The following TBC1D32 variants were observed in gnomAD, a reference collection of about 807,000 sequenced individuals.
TBC1D32 encodes protein broad-minded.
TBC1D32 carries 151 observed loss-of-function variants against 170.3 expected under a neutral mutation model. That is an observed-to-expected ratio of 0.89 (90% CI 0.78 to 1.01). TBC1D32 has a LOEUF of 1.01. Ranked by LOEUF, TBC1D32 falls within the 50% of genes least tolerant of loss-of-function variation. The pLI, the probability that TBC1D32 is intolerant of heterozygous loss-of-function variation, is 0.00. For missense variants in TBC1D32, 1,464 were observed against 1,457.1 expected (o/e 1.00, Z -0.08); for synonymous variants, 498 against 488.0 (o/e 1.02, Z -0.27).
chr6:121,124,496 G>A (rs1582869736), intron 26 of TBC1D32, among the ~76,000 whole-genome samples: 1 of 151,868 alleles, frequency 6.6e-6, no homozygotes, highest in African/African-American at 2.4e-5. Flanking sequence ...ATTATAATAT[G>A]TATTGGGGTA....
chr6:121,129,337 A>G (rs1280214613), intron 25 of TBC1D32, among the ~76,000 whole-genome samples: 1 of 152,204 alleles, frequency 6.6e-6, no homozygotes, highest in Non-Finnish European at 1.5e-5. Context: ...TAACTTAAGT[A>G]TTCTGAGCAC....
chr6:121,208,729 G>GGAAAAAAAAA (rs1412318299), intron 21 of TBC1D32, among the ~76,000 whole-genome samples: 3 of 86,900 alleles, frequency 3.5e-5, no homozygotes, highest in Non-Finnish European at 4.7e-5. Context: ...GAAACACCTG[G>GGAAAAAAAAA]AAAAAAAAAA....
chr6:121,159,585 T>C (rs1367427676), intron 24 of TBC1D32, among the ~76,000 whole-genome samples: 1 of 152,162 alleles, frequency 6.6e-6, no homozygotes, highest in African/African-American at 2.4e-5. Context: ...AGAGTGATCT[T>C]ACACAAACCT....
At chr6:121,085,204 T>C (rs1185478626) in intron 31 of TBC1D32, among the ~76,000 whole-genome samples, 2 of 135,704 alleles carry the variant, frequency 1.5e-5, no homozygotes, top group Non-Finnish European at 3.0e-5. Flanking sequence ...CTTACATATA[T>C]ATACACATAT....
At chr6:121,242,161 A>G (rs1437166645) in intron 18 of TBC1D32, 40 bp downstream of exon 18, 4 of 1,596,266 alleles carry the variant, frequency 2.5e-6, no homozygotes, top group South Asian at 2.3e-5. Flanking sequence ...TTTTAAAACC[A>G]CAAAAATTCC....
intron 21 of TBC1D32, among the ~76,000 whole-genome samples, chr6:121,216,624 C>T (rs1793857188): frequency 6.6e-6 from 1 of 152,120 alleles, no homozygotes; most frequent in Non-Finnish European, 1.5e-5. Context: ...ATTCACTGCT[C>T]ATGAGAGGCA....
At chr6:121,251,893 T>C (rs1043213733) in intron 17 of TBC1D32, among the ~76,000 whole-genome samples, 1 of 152,058 alleles carries the variant, frequency 6.6e-6, no homozygotes, top group African/African-American at 2.4e-5. Context: ...GGGCAAAGGA[T>C]ATGAACAGAC....
chr6:121,269,141 C>A (rs1324654561), intron 15 of TBC1D32, among the ~76,000 whole-genome samples: 3 of 152,148 alleles, frequency 2.0e-5, no homozygotes, highest in Admixed American at 6.5e-5. Context: ...ACAACTGGTA[C>A]CAGCCACTGC....
intron 3 of TBC1D32, among the ~76,000 whole-genome samples, chr6:121,315,065 C>T (rs1030019051): frequency 1.3e-5 from 2 of 152,306 alleles, no homozygotes; most frequent in African/African-American, 2.4e-5. Context: ...AAGGCCACAT[C>T]GCTGGTAAGC....
intron 22 of TBC1D32, among the ~76,000 whole-genome samples, chr6:121,199,523 A>G (rs1791256443): frequency 6.6e-6 from 1 of 151,296 alleles, no homozygotes; most frequent in South Asian, 2.1e-4. Flanking sequence ...TATGTAAACA[A>G]GAATTGTTTG....
chr6:121,261,232 C>T (rs1002876764), intron 15 of TBC1D32, among the ~76,000 whole-genome samples: 3 of 152,170 alleles, frequency 2.0e-5, no homozygotes, highest in African/African-American at 7.2e-5. Context: ...TCTGGGCAGA[C>T]CGGAAGAGTT....
chr6:121,186,948 C>A (rs1272595109), intron 22 of TBC1D32, among the ~76,000 whole-genome samples: 1 of 151,682 alleles, frequency 6.6e-6, no homozygotes, highest in Non-Finnish European at 1.5e-5. Context: ...AATGGTCCTG[C>A]CAACAGTAAG....
intron 9 of TBC1D32, among the ~76,000 whole-genome samples, chr6:121,303,043 T>C (rs933287353): frequency 3.9e-5 from 6 of 152,132 alleles, no homozygotes; most frequent in Admixed American, 3.9e-4. Flanking sequence ...TTGCTGCTAT[T>C]GACAAACACA....
chr6:121,247,883 A>G (rs2128377156), intron 17 of TBC1D32, among the ~76,000 whole-genome samples: 1 of 152,054 alleles, frequency 6.6e-6, no homozygotes, highest in South Asian at 2.1e-4. Context: ...AGACTTTAAT[A>G]CTCCACTGAC....
intron 22 of TBC1D32, among the ~76,000 whole-genome samples, chr6:121,168,604 C>T (rs1786443905): frequency 8.2e-6 from 1 of 122,510 alleles, no homozygotes; most frequent in South Asian, 3.4e-4. Context: ...GGAGATATAC[C>T]TAATGCTAGA....
At chr6:121,153,672 T>G (rs558435853) in intron 24 of TBC1D32, among the ~76,000 whole-genome samples, 1 of 152,270 alleles carries the variant, frequency 6.6e-6, no homozygotes, top group Admixed American at 6.5e-5. Flanking sequence ...CTGCTGCCTT[T>G]CTTTCAGAGA....
chr6:121,217,674 G>C (rs1794003224), intron 21 of TBC1D32, among the ~76,000 whole-genome samples: 1 of 152,130 alleles, frequency 6.6e-6, no homozygotes, highest in South Asian at 2.1e-4. Context: ...GAGAGGAACA[G>C]AAAAGATAAC....
At chr6:121,321,001 A>G (rs1046459797) in intron 2 of TBC1D32, among the ~76,000 whole-genome samples, 5 of 152,198 alleles carry the variant, frequency 3.3e-5, no homozygotes, top group African/African-American at 7.2e-5. Flanking sequence ...GCCAGGCAGG[A>G]TAGGCTACCA....
intron 28 of TBC1D32, 118 bp from the exon 29 acceptor site, chr6:121,112,777 T>C (rs375903914): frequency 2.1e-6 from 2 of 969,804 alleles, no homozygotes; most frequent in Non-Finnish European, 2.8e-6. Context: ...TCTGAATTTA[T>C]GAAACTTAGT....
Sources: allele counts gnomAD v4.1 joint callset (sites outside exome capture counted in the v4.1 genomes callset), GRCh38; gene constraint gnomAD v4.1.1; transcripts MANE v1.5; gene names NCBI Gene and HGNC (gene_info 2026-07-23, HGNC 2026-07-21).